Variants in PLCZ1 observed in about 807,000 individuals in gnomAD.
PLCZ1 encodes phospholipase C zeta 1.
In PLCZ1, 64 loss-of-function variants were observed where a neutral mutation model predicts 76.8. The ratio of observed to expected loss-of-function variants is 0.83; its 90% confidence interval spans 0.68 to 1.03. The LOEUF (loss-of-function observed/expected upper bound fraction) is 1.03. Ranked by LOEUF, PLCZ1 falls within the 50% of genes least tolerant of loss-of-function variation. The probability of loss-of-function intolerance (pLI) is 0.00; values close to 1 mark genes in which losing one functional copy is unlikely to be tolerated. For missense variants in PLCZ1, 751 were observed against 713.7 expected (o/e 1.05, Z -0.60); for synonymous variants, 248 against 230.8 (o/e 1.07, Z -0.68).
In PLCZ1 at chr12:18,699,821, G is replaced by C. The variant is rs1240081555; in HGVS notation, c.1147C>G (p.Gln383Glu). 6.2e-7 allele frequency: 1 copy of C among 1,613,402 alleles called. No homozygotes were observed. The highest frequency in any genetic ancestry group is 2.2e-5 in the East Asian group (1 of 44,782). ...CGCAATTTTGAAAGTTTTCGGGCTT[G>C]TGTCTCCCCAATAGAATTATTTTCA... is the stretch of plus-strand genomic sequence containing the variant. ...FNENNSIGETQARKLSKLRVH... is the reference protein window; with the variant it reads ...FNENNSIGETEARKLSKLRVH... The change falls in exon 10 of 15, where the codon CAA becomes GAA. Residue 383 changes from glutamine (Q) to glutamate (E), a missense_variant. Physicochemically the swap from Gln to Glu is conservative, Grantham distance 29 (BLOSUM62 2). Transcript: ENST00000266505.
At chr12:18,718,493 T>A (rs1958222561) in intron 5 of PLCZ1, among the ~76,000 whole-genome samples, 2 of 152,094 alleles carry the variant, frequency 1.3e-5, no homozygotes, top group Non-Finnish European at 2.9e-5. Context: ...CAAACTCACC[T>A]CCCTTCATTC....
intron 7 of PLCZ1, among the ~76,000 whole-genome samples, chr12:18,702,855 C>A (rs982617244): frequency 7.7e-6 from 1 of 129,792 alleles, no homozygotes; most frequent in African/African-American, 2.9e-5. Context: ...GAGTCTCACT[C>A]TGTCACCCAG....
chr12:18,688,869 C>T (rs80163221), intron 12 of PLCZ1, among the ~76,000 whole-genome samples: 13,505 of 151,562 alleles, frequency 0.089, 717 homozygotes, highest in African/African-American at 0.14. Context: ...AGCCTAAAAA[C>T]GCAGTTATAA....
chr12:18,713,319 C>A (rs1957564617), intron 5 of PLCZ1, among the ~76,000 whole-genome samples: 1 of 152,082 alleles, frequency 6.6e-6, no homozygotes, highest in Admixed American at 6.6e-5. Context: ...TACTCCCAAC[C>A]CATATAATTT....
At chr12:18,665,254 A>G in the PLCZ1 span, among the ~76,000 whole-genome samples, 8 of 152,100 alleles carry the variant, frequency 5.3e-5, no homozygotes, top group Non-Finnish European at 1.0e-4. Context: ...TATTGTTTAA[A>G]GGGTATATAG....
chr12:18,698,799 A>G (rs1482398352), intron 10 of PLCZ1, among the ~76,000 whole-genome samples: 1 of 152,166 alleles, frequency 6.6e-6, no homozygotes, highest in Non-Finnish European at 1.5e-5. Flanking sequence ...ATACTCTTTT[A>G]GTTATTTTTA....
chr12:18,730,051 C>T (rs1316017064), intron 3 of PLCZ1, among the ~76,000 whole-genome samples: 4 of 152,084 alleles, frequency 2.6e-5, no homozygotes, highest in African/African-American at 9.7e-5. Context: ...CCACAACAAT[C>T]ATGTGAGATA....
intron 13 of PLCZ1, 72 bp from the exon 14 acceptor site, chr12:18,684,351 C>T: frequency 6.9e-7 from 1 of 1,445,010 alleles, no homozygotes; most frequent in Non-Finnish European, 9.5e-7. Flanking sequence ...TACATTTGTT[C>T]TCCAAACTTT....
chr12:18,705,263 TG>T lies in PLCZ1; in HGVS notation c.766del (p.Gln256AsnfsTer4). On this transcript the variant is annotated frameshift_variant, in exon 7 of 15. Coordinates refer to ENST00000266505, the MANE Select transcript of PLCZ1 (RefSeq NM_033123.4). LOFTEE classifies it high-confidence loss of function. The part of the protein sequence containing the change: ...LSLENHCSTA[Q>X]QEVMADNLQA... ...CAAATTGTCTGCCATTACTTCTTGTTGGGCAGTGGAGCAGTGATTTTCTAAA... is the reference window on the plus strand; with the variant it reads ...CAAATTGTCTGCCATTACTTCTTGTTGGCAGTGGAGCAGTGATTTTCTAAA... 6.2e-7 allele frequency: 1 copy of T among 1,614,092 alleles called. No individual in the cohort carries two copies. Among genetic ancestry groups the T allele is most frequent in the Admixed American group, 1.7e-5 (1 of 60,024 alleles).
At chr12:18,662,851 A>C in the PLCZ1 span, among the ~76,000 whole-genome samples, 1 of 152,112 alleles carries the variant, frequency 6.6e-6, no homozygotes, top group Non-Finnish European at 1.5e-5. Flanking sequence ...CACATAGAAT[A>C]AAAACCAAAG....
chr12:18,646,529 AG>A, the PLCZ1 span, among the ~76,000 whole-genome samples: 1 of 152,142 alleles, frequency 6.6e-6, no homozygotes, highest in Admixed American at 6.6e-5. Flanking sequence ...ACGTAATGAA[AG>A]GTAAGCCTAT....
At chr12:18,665,429 T>A in the PLCZ1 span, among the ~76,000 whole-genome samples, 2 of 152,184 alleles carry the variant, frequency 1.3e-5, no homozygotes, top group East Asian at 1.9e-4. Context: ...TGAGAAACAG[T>A]CATTGGTAAT....
intron 10 of PLCZ1, among the ~76,000 whole-genome samples, chr12:18,697,117 A>G (rs1955173853): frequency 6.6e-6 from 1 of 152,010 alleles, no homozygotes; most frequent in Non-Finnish European, 1.5e-5. Context: ...TTCTTTTTTC[A>G]TTAAACAGAT....
intron 7 of PLCZ1, among the ~76,000 whole-genome samples, chr12:18,703,133 C>T (rs2137286083): frequency 6.6e-6 from 1 of 152,230 alleles, no homozygotes; most frequent in South Asian, 2.1e-4. Context: ...CAGAATTGGA[C>T]TATGATTTGG....
chr12:18,717,951 G>A (rs576343894), intron 5 of PLCZ1, among the ~76,000 whole-genome samples: 22 of 152,204 alleles, frequency 1.4e-4, no homozygotes, highest in African/African-American at 5.1e-4. Context: ...TCCGTCGCAC[G>A]ATGTTGAGCA....
intron 13 of PLCZ1, 113 bp from the exon 14 acceptor site, chr12:18,684,392 G>C (rs1952784173): frequency 2.0e-6 from 2 of 993,200 alleles, no homozygotes; most frequent in Admixed American, 4.4e-5. Context: ...ATAATATCTT[G>C]TGTTTAGAGC....
chr12:18,718,382 A>T (rs2137505441), intron 5 of PLCZ1, among the ~76,000 whole-genome samples: 1 of 152,200 alleles, frequency 6.6e-6, no homozygotes, highest in East Asian at 1.9e-4. Context: ...TCAAATTATG[A>T]CACTATCTTA....
chr12:18,667,159 A>G, the PLCZ1 span, among the ~76,000 whole-genome samples: 1 of 152,196 alleles, frequency 6.6e-6, no homozygotes, highest in East Asian at 1.9e-4. Flanking sequence ...ATAAGGTCTC[A>G]TGATGAGGGT....
intron 3 of PLCZ1, among the ~76,000 whole-genome samples, chr12:18,728,516 T>C (rs566542119): frequency 1.3e-5 from 2 of 152,042 alleles, no homozygotes; most frequent in African/African-American, 2.4e-5. Flanking sequence ...AAATAAAGGA[T>C]ATAAAGAGCT....
Sources: allele counts gnomAD v4.1 joint callset (sites outside exome capture counted in the v4.1 genomes callset), GRCh38; gene constraint gnomAD v4.1.1; transcripts MANE v1.5; gene names NCBI Gene and HGNC (gene_info 2026-07-23, HGNC 2026-07-21).